CRIM1: variants seen among roughly 807,000 people sequenced by gnomAD.
The protein encoded by CRIM1 is cysteine-rich motor neuron 1 protein.
CRIM1 carries 32 observed loss-of-function variants against 116.4 expected under a neutral mutation model. That is an observed-to-expected ratio of 0.27 (90% CI 0.21 to 0.37). CRIM1 has a LOEUF of 0.37. CRIM1 is among the 10% of genes least tolerant of loss of function. The pLI, the probability that CRIM1 is intolerant of heterozygous loss-of-function variation, is 1.00. For synonymous variants in CRIM1, 590 were observed against 509.2 expected (o/e 1.16, Z -2.13); for missense variants, 1,331 against 1,354.8 (o/e 0.98, Z 0.28).
chr2:36,520,185 CT>C (rs1665290051), intron 12 of CRIM1, among the ~76,000 whole-genome samples: 2 of 152,200 alleles, frequency 1.3e-5, no homozygotes, highest in African/African-American at 4.8e-5. Flanking sequence ...CCAGCGTATC[CT>C]GATGTCCTCT....
intron 2 of CRIM1, among the ~76,000 whole-genome samples, chr2:36,409,299 A>G (rs980991069): frequency 6.6e-6 from 1 of 152,182 alleles, no homozygotes; most frequent in Non-Finnish European, 1.5e-5. Context: ...ACCAGTAACT[A>G]TAATCTAGGA....
intron 2 of CRIM1, among the ~76,000 whole-genome samples, chr2:36,413,809 C>T (rs1197943480): frequency 6.6e-6 from 1 of 152,158 alleles, no homozygotes; most frequent in African/African-American, 2.4e-5. Context: ...AGTTTCATTA[C>T]ATACACTTGT....
intron 7 of CRIM1, among the ~76,000 whole-genome samples, chr2:36,482,276 A>G (rs1169521350): frequency 6.6e-6 from 1 of 152,150 alleles, no homozygotes; most frequent in Non-Finnish European, 1.5e-5. Flanking sequence ...GTTTCATATG[A>G]ATGTATTTAC....
chr2:36,356,008 A>C lies in CRIM1; in HGVS notation c.-285A>C, dbSNP rs1475985106. The C allele has an allele frequency of 6.6e-6, 1 of 151,458 alleles. No individual in the cohort carries two copies. Among genetic ancestry groups the C allele is most frequent in the African/African-American group, 2.4e-5 (1 of 41,108 alleles). 9.4% of individuals were successfully genotyped at this position (151,458 alleles called of 1,614,324 possible). Reference sequence around the variant, plus strand: ...TTTGGGTTGAACCGGAGCTGCCGGGAGGAAACTTTTTTCTTTTTTCCCCCT... The same window carrying C: ...TTTGGGTTGAACCGGAGCTGCCGGGCGGAAACTTTTTTCTTTTTTCCCCCT... On this transcript the variant is annotated 5_prime_UTR_variant, in exon 1 of 17. Transcript: ENST00000280527. The surrounding 1 kb of genome is among the most constrained non-coding windows in gnomAD (Gnocchi z 4.3).
chr2:36,504,376 G>A (rs556810452), intron 8 of CRIM1, among the ~76,000 whole-genome samples: 3 of 152,228 alleles, frequency 2.0e-5, no homozygotes, highest in African/African-American at 7.2e-5. Context: ...TTAATATGTT[G>A]TAAAGAGACA....
chr2:36,357,198 A>T (rs936807488), intron 1 of CRIM1, among the ~76,000 whole-genome samples: 6 of 152,122 alleles, frequency 3.9e-5, no homozygotes, highest in African/African-American at 1.4e-4. Context: ...TCAGCCGCGG[A>T]ATATGTCAGC....
chr2:36,515,606 A>G (rs1664987225), intron 11 of CRIM1, among the ~76,000 whole-genome samples: 1 of 152,172 alleles, frequency 6.6e-6, no homozygotes. Context: ...AACTCTTCTA[A>G]TGAATATTTA....
intron 12 of CRIM1, among the ~76,000 whole-genome samples, chr2:36,518,769 T>C (rs1665186161): frequency 6.6e-6 from 1 of 152,240 alleles, no homozygotes; most frequent in Non-Finnish European, 1.5e-5. Flanking sequence ...CTACTGATGT[T>C]TTTTGTTAAT....
chr2:36,457,497 G>A (rs1236927251), intron 4 of CRIM1, among the ~76,000 whole-genome samples: 1 of 152,210 alleles, frequency 6.6e-6, no homozygotes, highest in African/African-American at 2.4e-5. Flanking sequence ...GGCTGCACTT[G>A]CTGTGGCTAC....
chr2:36,400,807 A>G (rs770905611), intron 2 of CRIM1, among the ~76,000 whole-genome samples: 36 of 152,126 alleles, frequency 2.4e-4, no homozygotes, highest in Admixed American at 3.9e-4. Flanking sequence ...TGTACAGGGC[A>G]TGGGTGATTT....
At chr2:36,427,851 T>C (rs570005106) in intron 2 of CRIM1, among the ~76,000 whole-genome samples, 1 of 152,294 alleles carries the variant, frequency 6.6e-6, no homozygotes, top group Non-Finnish European at 1.5e-5. Flanking sequence ...TCCTAGCCCA[T>C]TTGTTCACTG....
chr2:36,531,922 A>AT lies in CRIM1; in HGVS notation c.2429-5429dup, dbSNP rs1558407539. 1.1e-5 allele frequency: 5 copies of AT among 470,912 alleles called. No homozygotes were observed. In the Admixed American group the frequency reaches 1.2e-4, roughly 11 times the overall value. 29.2% of individuals were successfully genotyped at this position (470,912 alleles called of 1,614,324 possible). A position where few individuals can be genotyped will look rare whatever the true frequency, so the allele number is the denominator to read the frequency against. ...AGCATCCCATGAGGTAAGCAGCCCC[A>AT]TGGAAGGACCAGCTGCATCCAGCAA... On this transcript the variant is annotated intron_variant, in intron 13 of 16. Transcript: ENST00000280527.
Position 36,547,127 on chromosome 2 carries a change from A to T in CRIM1, c.2890A>T (p.Lys964Ter). ...AGCATTCCTATTCATCAATCAGAAG[A>T]AACAGTGGATACCACTGCTTTGCTG... is the stretch of plus-strand genomic sequence containing the variant. Reference protein sequence around the residue: ...IIAFLFINQKKQWIPLLCWYR... With the variant: ...IIAFLFINQK Residue 964 changes from lysine (K) to a stop codon, truncating the protein, a stop_gained, in exon 16 of 17, where the codon AAA becomes TAA. Coordinates refer to ENST00000280527, the MANE Select transcript of CRIM1 (RefSeq NM_016441.3). LOFTEE classifies it high-confidence loss of function. The T allele has an allele frequency of 6.2e-7, 1 of 1,613,448 alleles. No homozygotes were observed. Among genetic ancestry groups the T allele is most frequent in the Middle Eastern group, 1.7e-4 (1 of 6,046 alleles).
At chr2:36,476,752 A>G (rs1265474585) in intron 5 of CRIM1, 137 bp from the exon 6 acceptor site, 2 of 675,122 alleles carry the variant, frequency 3.0e-6, no homozygotes, top group African/African-American at 1.8e-5. Context: ...TGTTACATGA[A>G]CTTACATTGA....
At chr2:36,426,089 G>A (rs1371093669) in intron 2 of CRIM1, among the ~76,000 whole-genome samples, 1 of 152,216 alleles carries the variant, frequency 6.6e-6, no homozygotes, top group Non-Finnish European at 1.5e-5. Context: ...GGAATAACAT[G>A]TTCCTAGAAA....
intron 1 of CRIM1, among the ~76,000 whole-genome samples, chr2:36,369,890 G>A (rs950590871): frequency 1.4e-4 from 21 of 152,162 alleles, no homozygotes; most frequent in African/African-American, 4.8e-4. Context: ...GGGTGTGCAC[G>A]TGCATGTGTA....
At chr2:36,522,809 AAAAAAAG>A (rs1300937154) in intron 13 of CRIM1, among the ~76,000 whole-genome samples, 1 of 150,582 alleles carries the variant, frequency 6.6e-6, no homozygotes, top group East Asian at 2.0e-4. Flanking sequence ...CTCAAAAAAA[AAAAAAAG>A]AAGAAGAAGA....
rs967632848 is a variant in CRIM1, at chr2:36,395,886, G to T, written c.332-728G>T. On this transcript the variant is annotated intron_variant, in intron 1 of 16. Coordinates refer to ENST00000280527, the MANE Select transcript of CRIM1 (RefSeq NM_016441.3). ...ATTAGCTGCCTTAATGTAGTAAGTT[G>T]AAGAGCTGTTTTAAACCTGAAGTTG... Among the ~76,000 whole-genome samples, 17 of 152,138 alleles carry T rather than the reference G, an allele frequency of 1.1e-4. 1 individual carries two copies. The highest frequency in any genetic ancestry group is 6.6e-5 in the Admixed American group (1 of 15,264).
chr2:36,456,817 A>G (rs1277712374), intron 4 of CRIM1, among the ~76,000 whole-genome samples: 1 of 151,448 alleles, frequency 6.6e-6, no homozygotes, highest in African/African-American at 2.4e-5. Context: ...AGTCCCTTCA[A>G]AACTAACCCT....
Sources: gnomAD v4.1 joint callset for allele counts (sites outside exome capture counted in the v4.1 genomes callset) on GRCh38, gnomAD v4.1.1 for gene constraint, Gnocchi (gnomAD v3.1) non-coding constraint, MANE v1.5 for transcripts, NCBI Gene and HGNC (gene_info 2026-07-23, HGNC 2026-07-21) for gene names.